The following POMGNT2 variants were observed in gnomAD, a reference collection of about 807,000 sequenced individuals.
POMGNT2 encodes the protein protein O-linked mannose N-acetylglucosaminyltransferase 2 (beta 1,4-).
In POMGNT2, 32 loss-of-function variants were observed where a neutral mutation model predicts 37.8. The observed-to-expected ratio is 0.85, with a 90% CI of 0.64 to 1.14. The LOEUF is 1.14. POMGNT2 is among the 50% of genes most tolerant of loss of function. POMGNT2 has a pLI of 0.00. For missense variants in POMGNT2, 705 were observed against 780.6 expected (o/e 0.90, Z 1.15); for synonymous variants, 340 against 336.8 (o/e 1.01, Z -0.10).
intron 1 of POMGNT2, among the ~76,000 whole-genome samples, chr3:43,091,121 T>C (rs1174804436): frequency 6.6e-6 from 1 of 152,194 alleles, no homozygotes; most frequent in Non-Finnish European, 1.5e-5. Flanking sequence ...GCAATCAGTA[T>C]ACCCAGCACC....
At chr3:43,086,098 T>A (rs1399228037) in intron 1 of POMGNT2, among the ~76,000 whole-genome samples, 1 of 152,218 alleles carries the variant, frequency 6.6e-6, no homozygotes, top group East Asian at 1.9e-4. Flanking sequence ...ACCTGAGGTA[T>A]CCTTGGCATC....
rs1251158904 is a variant in POMGNT2, at chr3:43,105,843, C to T, written c.-113G>A. ...AGCGCGCGCGCGTCTTACCTGAAGC[C>T]TGGACTCCGCGGGACGAAGCCACCT... On this transcript the variant is annotated 5_prime_UTR_variant, in exon 1 of 2. Coordinates refer to ENST00000344697, the MANE Select transcript of POMGNT2 (RefSeq NM_032806.6). The T allele has an allele frequency of 1.3e-5, 2 of 151,926 alleles. No individual in the cohort carries two copies. The highest frequency in any genetic ancestry group is 2.9e-5 in the Non-Finnish European group (2 of 67,930). The allele number at this position is 151,926 out of a possible 1,614,324, so 9.4% of individuals were successfully genotyped here. A position where few individuals can be genotyped will look rare whatever the true frequency, so the allele number is the denominator to read the frequency against.
chr3:43,086,239 G>A (rs1214964866), intron 1 of POMGNT2, among the ~76,000 whole-genome samples: 1 of 152,114 alleles, frequency 6.6e-6, no homozygotes, highest in Non-Finnish European at 1.5e-5. Context: ...GCTTGGAAAT[G>A]TTTTCTTATT....
rs899215190 is a variant in POMGNT2 at position 43,079,548 on chromosome 3, C to A, written c.*141G>T. 4.2e-6 allele frequency: 3 copies of A among 722,022 alleles called. No individual in the cohort carries two copies. Among genetic ancestry groups the A allele is most frequent in the East Asian group, 5.5e-5 (2 of 36,492 alleles). 44.7% of individuals were successfully genotyped at this position (722,022 alleles called of 1,614,324 possible). The stretch of plus-strand genomic sequence containing the variant: ...GGCAAAGAGGAGTGCTGTGACACCA[C>A]ACCCCAGAGACAACAAGATGATGTG... On this transcript the variant is annotated 3_prime_UTR_variant, in exon 2 of 2. Transcript: ENST00000344697.
chr3:43,085,425 T>C (rs532306904), intron 1 of POMGNT2, among the ~76,000 whole-genome samples: 130 of 152,170 alleles, frequency 8.5e-4, no homozygotes, highest in African/African-American at 2.6e-3. Context: ...TGGGGGGGGT[T>C]CTTTCCTGTG....
Position 43,081,550 on chromosome 3 carries a change from G to C in POMGNT2, c.-105-14C>G. The C allele has an allele frequency of 1.1e-6, 1 of 885,888 alleles. No individual in the cohort carries two copies. Among genetic ancestry groups the C allele is most frequent in the Non-Finnish European group, 1.7e-6 (1 of 596,792 alleles). The allele number at this position is 885,888 out of a possible 1,614,324, so 54.9% of individuals were successfully genotyped here. ...ACTGGTGAAAGCCTGCAGGAGGAGA[G>C]AAGGAAAAGAAAAAGGAATTGGCAG... On this transcript the variant is annotated splice_polypyrimidine_tract_variant and intron_variant, in intron 1 of 1. Transcript: ENST00000344697.
At chr3:43,087,373 C>T (rs142590076) in intron 1 of POMGNT2, 5 of 152,350 alleles carry the variant, frequency 3.3e-5, no homozygotes, top group African/African-American at 1.2e-4. Flanking sequence ...CCTCATTTTA[C>T]GCAGAGAAGC....
At chr3:43,103,347 C>T (rs1481018878) in intron 1 of POMGNT2, among the ~76,000 whole-genome samples, 3 of 152,112 alleles carry the variant, frequency 2.0e-5, no homozygotes, top group Non-Finnish European at 2.9e-5. Flanking sequence ...GAGAATTATG[C>T]AGCCCCAGAA....
intron 1 of POMGNT2, among the ~76,000 whole-genome samples, chr3:43,105,597 C>G (rs1256612442): frequency 6.7e-6 from 1 of 150,060 alleles, no homozygotes; most frequent in African/African-American, 2.4e-5. Flanking sequence ...CCCCGGCCCC[C>G]GACCCTGAGG....
chr3:43,088,011 T>G (rs2089911892), intron 1 of POMGNT2: 1 of 152,230 alleles, frequency 6.6e-6, no homozygotes, highest in South Asian at 2.1e-4. Context: ...ATTTTGTGAA[T>G]GGTGATACTC....
At chr3:43,096,378 C>G (rs750471884) in intron 1 of POMGNT2, among the ~76,000 whole-genome samples, 5 of 152,208 alleles carry the variant, frequency 3.3e-5, no homozygotes, top group Admixed American at 6.5e-5. Flanking sequence ...AGGCAGTATA[C>G]TGAACACTGT....
chr3:43,096,273 A>G (rs528267398), intron 1 of POMGNT2, among the ~76,000 whole-genome samples: 3 of 152,200 alleles, frequency 2.0e-5, no homozygotes, highest in East Asian at 1.9e-4. Context: ...GGCACCTGAA[A>G]CTGATTCCCA....
chr3:43,081,348 A>G lies in POMGNT2; in HGVS notation c.84T>C (p.His28=), dbSNP rs2089854213. Residue 28 remains histidine (H), a synonymous_variant, in exon 2 of 2, where the codon CAT becomes CAC. Transcript: ENST00000344697. ...VLWKHVRLRE[H]AATLEEELAL... is the part of the protein sequence containing the mutation. ...CCAGCTCCTCCTCCAGTGTGGCTGC[A>G]TGCTCACGCAGCCGCACATGCTTCC... 1 of 1,609,972 alleles carries G rather than the reference A, an allele frequency of 6.2e-7. No individual in the cohort carries two copies.
At chr3:43,095,970 T>C (rs2089976725) in intron 1 of POMGNT2, among the ~76,000 whole-genome samples, 3 of 152,230 alleles carry the variant, frequency 2.0e-5, no homozygotes, top group South Asian at 4.1e-4. Context: ...CATCAGGCTA[T>C]GGGGCAGGGA....
At chr3:43,082,583 A>G (rs2089865555) in intron 1 of POMGNT2, among the ~76,000 whole-genome samples, 1 of 152,226 alleles carries the variant, frequency 6.6e-6, no homozygotes, top group Admixed American at 6.5e-5. Context: ...GAAGGGTATC[A>G]TGCCTGCTCT....
At chr3:43,104,191 C>A (rs559250829) in intron 1 of POMGNT2, among the ~76,000 whole-genome samples, 15 of 152,290 alleles carry the variant, frequency 9.8e-5, no homozygotes, top group Admixed American at 5.9e-4. Context: ...GACTCCAAAG[C>A]CCGTGATGAC....
intron 1 of POMGNT2, among the ~76,000 whole-genome samples, chr3:43,096,195 T>C (rs1243100932): frequency 1.3e-5 from 2 of 152,194 alleles, no homozygotes; most frequent in Non-Finnish European, 2.9e-5. Flanking sequence ...GCCCCTCCAC[T>C]GCTCTGGGAC....
chr3:43,099,703 G>A (rs2090003814), intron 1 of POMGNT2, among the ~76,000 whole-genome samples: 1 of 152,218 alleles, frequency 6.6e-6, no homozygotes, highest in South Asian at 2.1e-4. Flanking sequence ...AAAGCCTTCT[G>A]CAGGGTGACG....
chr3:43,099,734 T>G (rs1250072121), intron 1 of POMGNT2, among the ~76,000 whole-genome samples: 2 of 152,064 alleles, frequency 1.3e-5, no homozygotes, highest in African/African-American at 4.8e-5. Context: ...GCCAGGTCCC[T>G]GCCAGATACC....
Sources: gnomAD v4.1 joint callset for allele counts (sites outside exome capture counted in the v4.1 genomes callset) on GRCh38, gnomAD v4.1.1 for gene constraint, MANE v1.5 for transcripts, NCBI Gene and HGNC (gene_info 2026-07-23, HGNC 2026-07-21) for gene names.